Variants in MPP1 observed in about 807,000 individuals in gnomAD.
MPP1 encodes MAGUK p55 scaffold protein 1.
Under a neutral mutation model 38.2 loss-of-function variants are expected in MPP1, and 6 were observed. The observed-to-expected ratio is 0.16, with a 90% CI of 0.09 to 0.31. The LOEUF is 0.31. Among genes scored for constraint, MPP1 ranks in the 10% least tolerant of loss-of-function variants. The pLI is 1.00. For missense variants in MPP1, 293 were observed against 368.9 expected (o/e 0.79, Z 1.69); for synonymous variants, 153 against 146.3 (o/e 1.05, Z -0.33).
rs59779466 is a variant in MPP1, at chrX:154,787,101, A to AACAC, written c.481-705_481-702dup. 3.4e-3 allele frequency among the ~76,000 whole-genome samples: 284 copies of AACAC among 82,885 alleles called. 1 individual carries two copies. Among genetic ancestry groups the AACAC allele is most frequent in the African/African-American group, 0.011 (219 of 20,254 alleles). 72.0% of individuals were successfully genotyped at this position (82,885 alleles called of 115,157 possible). Reference sequence around the variant, plus strand: ...TGAAAATTCTCCTCTCCTGCTCCCAAACACACACACACACACACACACACA... The same window carrying AACAC: ...TGAAAATTCTCCTCTCCTGCTCCCAAACACACACACACACACACACACACACACA... On this transcript the variant is annotated intron_variant, in intron 5 of 11. Transcript: ENST00000369534.
chrX:154,789,812 C>A (rs1035298991), intron 5 of MPP1, 142 bp downstream of exon 5: 10 of 407,411 alleles, frequency 2.5e-5, no homozygotes, highest in Non-Finnish European at 4.2e-5. Context: ...ATAATGGGAC[C>A]CTGAGCCAAG....
At chrX:154,799,643 G>A (rs1315259520) in intron 1 of MPP1, 1 of 927,505 alleles carries the variant, frequency 1.1e-6, no homozygotes. Flanking sequence ...AGGCCACAGA[G>A]CTATGGCAGG....
chrX:154,798,109 A>T, intron 1 of MPP1, among the ~76,000 whole-genome samples: 1 of 112,634 alleles, frequency 8.9e-6, no homozygotes, highest in South Asian at 3.6e-4. Context: ...GAAATAAAAA[A>T]ATAGTGACAA....
At chrX:154,797,725 T>C (rs1339420781) in intron 1 of MPP1, among the ~76,000 whole-genome samples, 3 of 112,153 alleles carry the variant, frequency 2.7e-5, no homozygotes, top group Non-Finnish European at 3.8e-5. Context: ...TTCCTATACA[T>C]GACATCAAAA....
rs1242992540 is a variant in MPP1, at chrX:154,805,476, T to A, written c.-103A>T. ...GAGAAGGCGGGAGACGCGGTGCGGC[T>A]GGGCCAGTCACCGCCCCGCAGGCGG... On this transcript the variant is annotated 5_prime_UTR_variant, in exon 1 of 12. Coordinates refer to ENST00000369534, the MANE Select transcript of MPP1 (RefSeq NM_002436.4). 4.8e-6 allele frequency: 4 copies of A among 832,400 alleles called. No individual in the cohort carries two copies. Among genetic ancestry groups the A allele is most frequent in the Non-Finnish European group, 1.7e-6 (1 of 593,885 alleles). The allele number at this position is 832,400 out of a possible 1,213,427, so 68.6% of individuals were successfully genotyped here. A position where few individuals can be genotyped will look rare whatever the true frequency, so the allele number is the denominator to read the frequency against.
In MPP1 at chrX:154,781,399, T is replaced by C. The variant is rs2071997811; in HGVS notation, c.1150-86A>G. The C allele has an allele frequency of 3.6e-6, 3 of 843,614 alleles. No individual in the cohort carries two copies. In the South Asian group the frequency reaches 6.8e-5, roughly 19 times the overall value. The allele number at this position is 843,614 out of a possible 1,213,427, so 69.5% of individuals were successfully genotyped here. A position where few individuals can be genotyped will look rare whatever the true frequency, so the allele number is the denominator to read the frequency against. On this transcript the variant is annotated intron_variant, in intron 10 of 11. Coordinates refer to ENST00000369534, the MANE Select transcript of MPP1 (RefSeq NM_002436.4). ...AAAAAAACCTACATAGCTGTCATAA[T>C]GGATTCCTTCTAATAAGCAGCTTTG...
At chrX:154,802,747 A>C (rs2072281066) in intron 1 of MPP1, among the ~76,000 whole-genome samples, 1 of 112,423 alleles carries the variant, frequency 8.9e-6, no homozygotes, top group African/African-American at 3.2e-5. Context: ...GGCTACATTC[A>C]AACCTATTGC....
intron 11 of MPP1, 71 bp from the exon 12 acceptor site, chrX:154,779,424 T>TAAAC: frequency 1.0e-6 from 1 of 984,213 alleles, no homozygotes; most frequent in East Asian, 3.1e-5. Flanking sequence ...TGACAGATTT[T>TAAAC]AAACAGCAAT....
intron 1 of MPP1, among the ~76,000 whole-genome samples, chrX:154,801,790 A>AAAAAAAAAAAAAAAAG (rs2072269385): frequency 1.0e-5 from 1 of 99,594 alleles, no homozygotes; most frequent in Non-Finnish European, 2.0e-5. Context: ...AAAAAAACAA[A>AAAAAAAAAAAAAAAAG]AAACAGAAAA....
intron 5 of MPP1, among the ~76,000 whole-genome samples, chrX:154,788,592 T>C (rs1408619420): frequency 8.9e-6 from 1 of 112,024 alleles, no homozygotes; most frequent in Non-Finnish European, 1.9e-5. Context: ...GGAATACTAT[T>C]TGGCAATATC....
At chrX:154,786,895 CAAAAAAA>C (rs782470556) in intron 5 of MPP1, among the ~76,000 whole-genome samples, 1 of 25,591 alleles carries the variant, frequency 3.9e-5, no homozygotes, top group African/African-American at 2.3e-4. Flanking sequence ...GACTCCGTCT[CAAAAAAA>C]AAAAAAAAAA....
At chrX:154,794,051 G>GT (rs2072169993) in intron 1 of MPP1, among the ~76,000 whole-genome samples, 1 of 112,102 alleles carries the variant, frequency 8.9e-6, no homozygotes, top group Non-Finnish European at 1.9e-5. Flanking sequence ...ATCATCTGAT[G>GT]TTTTTTCAAG....
In MPP1 at chrX:154,792,278, G is replaced by A. The variant is rs781808389; in HGVS notation, c.110C>T (p.Ser37Leu). ...LQKRSRPEAV[S>L]HPLNTVTEDM... Reference sequence around the variant, plus strand: ...CTCGGTCACAGTATTCAATGGATGCGATACAGCCTGCCAAGCCAAAACAAC... The same window carrying A: ...CTCGGTCACAGTATTCAATGGATGCAATACAGCCTGCCAAGCCAAAACAAC... Residue 37 changes from serine to leucine, a missense_variant, in exon 2 of 12, where the codon TCG becomes TTG. Transcript: ENST00000369534. 17 of 1,198,704 alleles carry A rather than the reference G, an allele frequency of 1.4e-5. No homozygotes were observed. In the East Asian group the frequency reaches 2.1e-4, roughly 15 times the overall value.
At chrX:154,790,105 C>A in intron 4 of MPP1, 83 bp from the exon 5 acceptor site, 1 of 576,329 alleles carries the variant, frequency 1.7e-6, no homozygotes, top group South Asian at 3.2e-5. Flanking sequence ...AGGTTTTTTT[C>A]CCCAACAACC....
At chrX:154,794,392 T>C (rs183485741) in intron 1 of MPP1, among the ~76,000 whole-genome samples, 244 of 111,625 alleles carry the variant, frequency 2.2e-3, no homozygotes, top group Middle Eastern at 9.2e-3. Flanking sequence ...GGAAAAACTA[T>C]GGAAACCTCT....
intron 1 of MPP1, among the ~76,000 whole-genome samples, chrX:154,796,849 C>T (rs1161916052): frequency 4.5e-5 from 5 of 111,252 alleles, no homozygotes; most frequent in African/African-American, 1.6e-4. Flanking sequence ...GAAGTAGGAT[C>T]TGCATTGGTT....
chrX:154,798,981 G>A lies in MPP1; in HGVS notation c.102+6291C>T, dbSNP rs782396345. ...ACTCCCAACCTCAGGTGATCCGCCC[G>A]CCTCGGCCTCCCAAAGTGCTGGGAT... On this transcript the variant is annotated intron_variant, in intron 1 of 11. Coordinates refer to ENST00000369534, the MANE Select transcript of MPP1 (RefSeq NM_002436.4). Among the ~76,000 whole-genome samples the A allele has an allele frequency of 1.3e-4, 15 of 111,500 alleles. No individual in the cohort carries two copies. In the South Asian group the frequency reaches 4.5e-3, roughly 33 times the overall value.
rs782422219 is a variant in MPP1, at chrX:154,779,219, C to T, written c.1359G>A (p.Ala453=). 6 of 1,211,534 alleles carry T rather than the reference C, an allele frequency of 5.0e-6. No individual in the cohort carries two copies. The highest frequency in any genetic ancestry group is 3.5e-5 in the South Asian group (2 of 56,936). Residue 453 remains alanine, a synonymous_variant, in exon 12 of 12, where the codon GCG becomes GCA. Coordinates refer to ENST00000369534, the MANE Select transcript of MPP1 (RefSeq NM_002436.4). ...LKKLQEAFDQ[A]CSSPQWVPVS... ...CAGGCACCCACTGTGGAGAACTGCACGCTTGGTCGAAGGCTTCTTGTAATT... is the reference window on the plus strand; with the variant it reads ...CAGGCACCCACTGTGGAGAACTGCATGCTTGGTCGAAGGCTTCTTGTAATT...
chrX:154,784,596 T>G (rs931435374), intron 7 of MPP1: 1 of 235,001 alleles, frequency 4.3e-6, no homozygotes. Flanking sequence ...TGGCTGGTGG[T>G]GTGCACGTGA....
Sources: allele counts gnomAD v4.1 joint callset (sites outside exome capture counted in the v4.1 genomes callset), GRCh38; gene constraint gnomAD v4.1.1; transcripts MANE v1.5; gene names NCBI Gene and HGNC (gene_info 2026-07-23, HGNC 2026-07-21).